AATK: variants seen among roughly 807,000 people sequenced by gnomAD.
AATK encodes serine/threonine-protein kinase LMTK1.
Under a neutral mutation model 114.3 loss-of-function variants are expected in AATK, and 91 were observed. The ratio of observed to expected loss-of-function variants is 0.80; its 90% CI spans 0.67 to 0.95. AATK has a LOEUF of 0.95. AATK is among the 40% of genes least tolerant of loss of function. AATK has a pLI of 0.00. For missense variants in AATK, 2,176 were observed against 1,965.2 expected (o/e 1.11, Z -2.03); for synonymous variants, 1,075 against 916.5 (o/e 1.17, Z -3.12).
intron 8 of AATK, 37 bp downstream of exon 8, chr17:81,124,893 C>G (rs766794059): frequency 3.8e-6 from 6 of 1,571,692 alleles, no homozygotes; most frequent in Non-Finnish European, 5.2e-6. Flanking sequence ...CAGGCCCTGC[C>G]CCTCATGCCC....
At position 81,122,386 on chromosome 17, in the gene AATK, G is replaced by A. The variant is rs1464586498; in HGVS notation, c.1550C>T (p.Pro517Leu). Residue 517 changes from proline (P) to leucine (L), a missense_variant, in exon 11 of 14, where the codon CCG becomes CTG. Physicochemically the swap from Pro to Leu is moderately conservative, Grantham distance 98. This residue lies in a region of AATK where 1,701 missense variants were observed against 1,394.7 expected (regional missense o/e 1.22). Transcript: ENST00000326724. ...APDGAPPGVV[P>L]VLSAHSPSLG... ...CGACGGGCTGTGCGCGCTGAGCACC[G>A]GAACCACGCCCGGGGGCGCGCCGTC... 7.4e-6 allele frequency: 11 copies of A among 1,488,550 alleles called. No homozygotes were observed. The highest frequency in any genetic ancestry group is 1.5e-5 in the African/African-American group (1 of 68,454). 92.2% of individuals were successfully genotyped at this position (1,488,550 alleles called of 1,614,324 possible).
intron 4 of AATK, 84 bp downstream of exon 4, chr17:81,128,386 T>A: frequency 6.9e-7 from 1 of 1,445,100 alleles, no homozygotes; most frequent in South Asian, 1.2e-5. Context: ...GGGGCTGGGG[T>A]GGCTCCTAGG....
rs538828371 is a variant in AATK at position 81,124,266 on chromosome 17, T to C, written c.962+461A>G. 9.2e-5 allele frequency among the ~76,000 whole-genome samples: 14 copies of C among 152,246 alleles called. No homozygotes were observed. The South Asian group carries it at 2.7e-3, about 29-fold the overall frequency. On this transcript the variant is annotated intron_variant, in intron 9 of 13. Transcript: ENST00000326724. Reference sequence around the variant, plus strand: ...GGCTCGGCCCTGCCCCTTCCGAGTCTACACCAGGTGTGAATGAACGCTCCG... The same window carrying C: ...GGCTCGGCCCTGCCCCTTCCGAGTCCACACCAGGTGTGAATGAACGCTCCG...
At chr17:81,157,388 T>TC (rs2061379846) in intron 1 of AATK, among the ~76,000 whole-genome samples, 1 of 151,994 alleles carries the variant, frequency 6.6e-6, no homozygotes, top group East Asian at 1.9e-4. Flanking sequence ...CACGTACCCC[T>TC]CCACGCACAT....
intron 2 of AATK, chr17:81,133,216 G>T: frequency 2.0e-6 from 1 of 492,670 alleles, no homozygotes. Context: ...ACTTCAGAGG[G>T]CTCTGGAAGG....
At chr17:81,118,751 CAG>C (rs370938643) in intron 13 of AATK, among the ~76,000 whole-genome samples, 66 of 152,326 alleles carry the variant, frequency 4.3e-4, no homozygotes, top group Middle Eastern at 3.4e-3. Flanking sequence ...TTCAGCCACA[CAG>C]GGGGCACCCT....
intron 6 of AATK, among the ~76,000 whole-genome samples, chr17:81,127,266 GC>G (rs546577921): frequency 1.3e-4 from 20 of 151,074 alleles, no homozygotes; most frequent in African/African-American, 2.7e-4. Flanking sequence ...GTGGGCCAGT[GC>G]CCCCCCCCAG....
In AATK at chr17:81,122,371, T is replaced by C. The variant is rs1183044278; in HGVS notation, c.1565A>G (p.His522Arg). ...GTACTCGCTGCCCAGCGACGGGCTG[T>C]GCGCGCTGAGCACCGGAACCACGCC... ...PPGVVPVLSAHSPSLGSEYFI... is the reference protein window; with the variant it reads ...PPGVVPVLSARSPSLGSEYFI... The change falls in exon 11 of 14, where the codon CAC becomes CGC. Residue 522 changes from histidine (H) to arginine (R), a missense_variant. Transcript: ENST00000326724. 1 of 1,501,114 alleles carries C rather than the reference T, an allele frequency of 6.7e-7. No homozygotes were observed. Among genetic ancestry groups the C allele is most frequent in the African/African-American group, 1.4e-5 (1 of 69,342 alleles). 93.0% of individuals were successfully genotyped at this position (1,501,114 alleles called of 1,614,324 possible).
At chr17:81,123,400 C>T (rs909295322) in intron 9 of AATK, 57 bp from the exon 10 acceptor site, 56 of 1,305,080 alleles carry the variant, frequency 4.3e-5, no homozygotes, top group South Asian at 8.8e-5. Context: ...GCAAGGACCG[C>T]GCAGGATCCC....
Position 81,120,770 on chromosome 17 carries a change from G to A in AATK, c.3166C>T (p.Leu1056=). ...CCTTCAAGCTGCAGCAGTGGGGGCAGCACCTCCCCGGGGCCAGAGCCTTGT... is the reference window on the plus strand; with the variant it reads ...CCTTCAAGCTGCAGCAGTGGGGGCAACACCTCCCCGGGGCCAGAGCCTTGT... ...EAQGSGPGEV[L]PPLLQLEGSS... The change falls in exon 11 of 14, where the codon CTG becomes TTG. Residue 1056 remains leucine (L), a synonymous_variant. Transcript: ENST00000326724. The A allele has an allele frequency of 6.4e-7, 1 of 1,571,144 alleles. No homozygotes were observed. Among genetic ancestry groups the A allele is most frequent in the Non-Finnish European group, 8.6e-7 (1 of 1,158,816 alleles).
intron 10 of AATK, 67 bp from the exon 11 acceptor site, chr17:81,122,890 G>A (rs1207805000): frequency 1.9e-5 from 25 of 1,349,524 alleles, no homozygotes; most frequent in Non-Finnish European, 2.4e-5. Flanking sequence ...CCTGGAGCAG[G>A]GATGGGGGTT....
chr17:81,132,205 T>C (rs4969254), intron 2 of AATK, among the ~76,000 whole-genome samples: 125,053 of 152,206 alleles, frequency 0.82, 51,511 homozygotes, highest in East Asian at 0.98. Context: ...CTTTCTGTCC[T>C]TCCTCACAAC....
Position 81,126,938 on chromosome 17 carries a change from G to T in AATK, c.622-378C>A. ...AAAGCCCAGCCCCGGGACGGTCAACGTCAGGAGTCCAGACGCCAGTGTGTG... is the reference window on the plus strand; with the variant it reads ...AAAGCCCAGCCCCGGGACGGTCAACTTCAGGAGTCCAGACGCCAGTGTGTG... On this transcript the variant is annotated intron_variant, in intron 6 of 13. Transcript: ENST00000326724. This position sits in a 1 kb window ranked among gnomAD's most constrained non-coding sequence, Gnocchi z 5.1. The T allele has an allele frequency of 1.2e-6, 1 of 816,684 alleles. No individual in the cohort carries two copies. Among genetic ancestry groups the T allele is most frequent in the Non-Finnish European group, 1.5e-6 (1 of 646,130 alleles). 50.6% of individuals were successfully genotyped at this position (816,684 alleles called of 1,614,324 possible). A position where few individuals can be genotyped will look rare whatever the true frequency, so the allele number is the denominator to read the frequency against.
At chr17:81,143,980 C>T (rs2146368900) in intron 1 of AATK, among the ~76,000 whole-genome samples, 1 of 152,316 alleles carries the variant, frequency 6.6e-6, no homozygotes, top group Non-Finnish European at 1.5e-5. Context: ...CAGGGTTGCC[C>T]CTGCATGCTT....
chr17:81,121,385 G>A lies in AATK; in HGVS notation c.2551C>T (p.Pro851Ser), dbSNP rs1453586698. 1 of 1,609,738 alleles carries A rather than the reference G, an allele frequency of 6.2e-7. No individual in the cohort carries two copies. Among genetic ancestry groups the A allele is most frequent in the African/African-American group, 1.3e-5 (1 of 74,350 alleles). Residue 851 changes from proline to serine, a missense_variant, in exon 11 of 14, where the codon CCC becomes TCC. This residue lies in a region of AATK where 1,701 missense variants were observed against 1,394.7 expected (regional missense o/e 1.22). Coordinates refer to ENST00000326724, the MANE Select transcript of AATK (RefSeq NM_001080395.3). Reference protein sequence around the residue: ...ASALNGSSSSPEVEAPSSEDE... With the variant: ...ASALNGSSSSSEVEAPSSEDE... The stretch of plus-strand genomic sequence containing the variant: ...TCACTGCTGGGTGCCTCCACCTCGG[G>A]AGAGCTGCTGCTGCCATTCAGGGCA...
intron 1 of AATK, among the ~76,000 whole-genome samples, chr17:81,164,612 G>A (rs1368681641): frequency 3.9e-5 from 6 of 152,244 alleles, no homozygotes; most frequent in Non-Finnish European, 7.3e-5. Context: ...GCTGGGCCCC[G>A]AGGCAGGGTA....
chr17:81,139,794 G>A (rs1266061221), intron 1 of AATK, among the ~76,000 whole-genome samples: 2 of 152,236 alleles, frequency 1.3e-5, no homozygotes, highest in East Asian at 3.8e-4. Context: ...CTGCAACTGG[G>A]CTGGAGGGTG....
In AATK at chr17:81,123,072, AGAGGG is replaced by A; in HGVS notation, c.1112+117_1112+121del. 5.2e-6 allele frequency: 6 copies of A among 1,161,528 alleles called. No homozygotes were observed. In the South Asian group the frequency reaches 1.2e-4, roughly 24 times the overall value. 72.0% of individuals were successfully genotyped at this position (1,161,528 alleles called of 1,614,324 possible). Reference sequence around the variant, plus strand: ...AGAGGTGGCGGGTGGAGGCCCTACCAGAGGGGAGGGGAGACCAGGCAGGGCTGGAA... The same window carrying A: ...AGAGGTGGCGGGTGGAGGCCCTACCAGAGGGGAGACCAGGCAGGGCTGGAA... On this transcript the variant is annotated intron_variant, in intron 10 of 13. Transcript: ENST00000326724.
In AATK at chr17:81,117,303, G is replaced by T. The variant is rs8071392; in HGVS notation, c.*1099C>A. 122,876 of 152,180 alleles carry T rather than the reference G, an allele frequency of 0.81. 49,820 individuals are homozygous for T. Among genetic ancestry groups the T allele is most frequent in the Middle Eastern group, 0.9 (265 of 294 alleles). 9.4% of individuals were successfully genotyped at this position (152,180 alleles called of 1,614,324 possible). On this transcript the variant is annotated 3_prime_UTR_variant, in exon 14 of 14. Transcript: ENST00000326724. ...AAGACAACACACAAAGGTTTCTTTT[G>T]TCTTAGCTTCATTTCTCTTAAAAAA...
Sources: allele counts gnomAD v4.1 joint callset (sites outside exome capture counted in the v4.1 genomes callset), GRCh38; gene constraint gnomAD v4.1.1; regional missense constraint gnomAD v4.1.1; non-coding constraint Gnocchi (gnomAD v3.1); transcripts MANE v1.5; gene names NCBI Gene and HGNC (gene_info 2026-07-23, HGNC 2026-07-21).